SOX6: variants seen among roughly 807,000 people sequenced by gnomAD.
SOX6 encodes transcription factor SOX-6.
A neutral mutation model predicts 97.8 loss-of-function variants in SOX6; 11 were observed. The observed-to-expected ratio is 0.11, with a 90% confidence interval of 0.07 to 0.19. The LOEUF (loss-of-function observed/expected upper bound fraction) is 0.19, where lower values mean the gene tolerates loss of function less well. Among genes scored for constraint, SOX6 ranks in the 10% least tolerant of loss-of-function variants. The pLI is 1.00. For missense variants in SOX6, 810 were observed against 1,039.5 expected (o/e 0.78, Z 3.04); for synonymous variants, 360 against 371.4 (o/e 0.97, Z 0.35).
intron 2 of SOX6, among the ~76,000 whole-genome samples, chr11:16,327,157 G>T (rs995606542): frequency 6.6e-6 from 1 of 152,124 alleles, no homozygotes; most frequent in Non-Finnish European, 1.5e-5. Context: ...GAGTCACCAA[G>T]CCTTGCCAAA....
chr11:16,201,808 TA>T, intron 4 of SOX6, among the ~76,000 whole-genome samples: 2 of 145,118 alleles, frequency 1.4e-5, no homozygotes, highest in Non-Finnish European at 3.0e-5. Flanking sequence ...TAATTTTTTG[TA>T]TTTTTAGTAG....
rs1564972459 is a variant in SOX6, at chr11:16,132,417, G to GAA, written c.778-20496_778-20495dup. ...AAGAAAGAAAAAAGAAAGAAAGAAAGAAAGAAAGAAAGAAAGAAAGAAAGA... is the reference window on the plus strand; with the variant it reads ...AAGAAAGAAAAAAGAAAGAAAGAAAGAAAAAGAAAGAAAGAAAGAAAGAAAGA... On this transcript the variant is annotated intron_variant, in intron 6 of 15. Coordinates refer to ENST00000683767, the MANE Select transcript of SOX6 (RefSeq NM_001367873.1). Among the ~76,000 whole-genome samples, 6 of 95,962 alleles carry GAA rather than the reference G, an allele frequency of 6.3e-5. 2 individuals are homozygous for GAA. The highest frequency in any genetic ancestry group is 1.5e-4 in the African/African-American group (3 of 20,128). The allele number at this position is 95,962 out of a possible 152,430, so 63.0% of individuals were successfully genotyped here.
chr11:16,669,808 T>A (rs914839636), intron 3 of SOX6, among the ~76,000 whole-genome samples: 1 of 152,106 alleles, frequency 6.6e-6, no homozygotes, highest in South Asian at 2.1e-4. Context: ...CCACACAACC[T>A]GGAACTCTGA....
chr11:16,274,639 T>G (rs1010380802), intron 3 of SOX6, among the ~76,000 whole-genome samples: 1 of 152,184 alleles, frequency 6.6e-6, no homozygotes, highest in African/African-American at 2.4e-5. Context: ...TCTTTGCACA[T>G]TCCCACATTT....
At chr11:16,301,126 T>C (rs184925044) in intron 3 of SOX6, among the ~76,000 whole-genome samples, 1 of 152,310 alleles carries the variant, frequency 6.6e-6, no homozygotes, top group Admixed American at 6.5e-5. Flanking sequence ...TTTGATTTTC[T>C]AGCAATGTGA....
rs558887723 is a variant in SOX6, at chr11:16,621,774, G to C, written n.430-9514C>G. 2.0e-5 allele frequency among the ~76,000 whole-genome samples: 3 copies of C among 152,166 alleles called. No individual in the cohort carries two copies. In the East Asian group the frequency reaches 5.8e-4, roughly 29 times the overall value. On this transcript the variant is annotated intron_variant and non_coding_transcript_variant, in intron 3 of 5. Transcript: ENST00000524520. Reference sequence around the variant, plus strand: ...AAGTCATTCCTATCTCCTAACAACTGCTTCTGTATTTACAATTGAGAAAAT... The same window carrying C: ...AAGTCATTCCTATCTCCTAACAACTCCTTCTGTATTTACAATTGAGAAAAT...
chr11:16,213,097 T>C (rs1349312241), intron 4 of SOX6, among the ~76,000 whole-genome samples: 1 of 152,118 alleles, frequency 6.6e-6, no homozygotes, highest in Non-Finnish European at 1.5e-5. Flanking sequence ...GTTAATTTGA[T>C]TCCTGGACCT....
chr11:16,650,835 A>C (rs1412901870), intron 3 of SOX6, among the ~76,000 whole-genome samples: 1 of 152,098 alleles, frequency 6.6e-6, no homozygotes, highest in Non-Finnish European at 1.5e-5. Context: ...TGAAACAAAA[A>C]GCCGGTTCTT....
At chr11:16,139,441 C>T (rs1208172285) in intron 6 of SOX6, among the ~76,000 whole-genome samples, 1 of 152,114 alleles carries the variant, frequency 6.6e-6, no homozygotes, top group Non-Finnish European at 1.5e-5. Flanking sequence ...TTCATAAATA[C>T]ATCAGGTCAG....
intron 4 of SOX6, among the ~76,000 whole-genome samples, chr11:16,217,234 C>G (rs1037020221): frequency 7.9e-5 from 12 of 152,128 alleles, no homozygotes; most frequent in Non-Finnish European, 1.5e-4. Flanking sequence ...TATACACTTA[C>G]GTAAAGCACT....
In SOX6 at chr11:16,030,312, C is replaced by A. The variant is rs542146312; in HGVS notation, c.1624-15262G>T. On this transcript the variant is annotated intron_variant, in intron 12 of 15. Transcript: ENST00000683767. ...GATTAATATGTTTGAAGCACTCACA[C>A]TTGTACTTTCAATTATTTTAAAATT... is the stretch of plus-strand genomic sequence containing the variant. 3.9e-5 allele frequency among the ~76,000 whole-genome samples: 6 copies of A among 152,270 alleles called. No individual in the cohort carries two copies. In the East Asian group the frequency reaches 9.6e-4, roughly 24 times the overall value.
At chr11:16,276,378 C>A (rs548425949) in intron 3 of SOX6, among the ~76,000 whole-genome samples, 1 of 152,198 alleles carries the variant, frequency 6.6e-6, no homozygotes, top group Admixed American at 6.5e-5. Context: ...CCTTCAACTG[C>A]TTTCCACTTG....
At chr11:16,136,342 T>C (rs1042385307) in intron 6 of SOX6, among the ~76,000 whole-genome samples, 48 of 111,012 alleles carry the variant, frequency 4.3e-4, no homozygotes, top group African/African-American at 1.4e-3. Context: ...TGTGTGTGTG[T>C]GGTTTTTTTT....
At chr11:16,554,364 A>G (rs753695425) in intron 4 of SOX6, among the ~76,000 whole-genome samples, 7 of 152,084 alleles carry the variant, frequency 4.6e-5, no homozygotes, top group Non-Finnish European at 8.8e-5. Flanking sequence ...ACTTTGTCCA[A>G]TTAACTTAGG....
At chr11:16,686,964 C>CAA (rs1334121492) in intron 3 of SOX6, among the ~76,000 whole-genome samples, 1 of 142,886 alleles carries the variant, frequency 7.0e-6, no homozygotes, top group African/African-American at 2.6e-5. Context: ...CGATGTCTCA[C>CAA]AAAAAAAAAA....
intron 4 of SOX6, among the ~76,000 whole-genome samples, chr11:16,514,471 C>A (rs1860931415): frequency 6.6e-6 from 1 of 152,058 alleles, no homozygotes; most frequent in Admixed American, 6.6e-5. Context: ...TGAAATGTCA[C>A]TAATATTATG....
chr11:16,563,267 T>C (rs550242443), intron 4 of SOX6, among the ~76,000 whole-genome samples: 109 of 151,904 alleles, frequency 7.2e-4, no homozygotes, highest in African/African-American at 2.5e-3. Flanking sequence ...ATAACTAAAA[T>C]TAAAAGCTCA....
chr11:16,285,781 G>A lies in SOX6; in HGVS notation c.445+32665C>T, dbSNP rs187100938. ...GTTGCCTGATCCTAAATCAATAAAA[G>A]TTATTTCAACTATATTACTAATACA... is the stretch of plus-strand genomic sequence containing the variant. On this transcript the variant is annotated intron_variant, in intron 3 of 15. Coordinates refer to ENST00000683767, the MANE Select transcript of SOX6 (RefSeq NM_001367873.1). Among the ~76,000 whole-genome samples, 794 of 152,108 alleles carry A rather than the reference G, an allele frequency of 5.2e-3. 7 individuals are homozygous for A. The highest frequency in any genetic ancestry group is 0.02 in the Middle Eastern group (6 of 294).
chr11:16,500,552 C>A (rs1033796980), intron 4 of SOX6, among the ~76,000 whole-genome samples: 1 of 152,092 alleles, frequency 6.6e-6, no homozygotes, highest in Admixed American at 6.6e-5. Flanking sequence ...GATTGTATAT[C>A]TAGAAACCCC....
Sources: allele counts gnomAD v4.1 joint callset (sites outside exome capture counted in the v4.1 genomes callset), GRCh38; gene constraint gnomAD v4.1.1; transcripts MANE v1.5; gene names NCBI Gene and HGNC (gene_info 2026-07-23, HGNC 2026-07-21).